ZBTB38: variants seen among roughly 807,000 people sequenced by gnomAD.
The protein encoded by ZBTB38 is zinc finger and BTB domain containing 38.
A neutral mutation model predicts 76.8 loss-of-function variants in ZBTB38; 20 were observed. The ratio of observed to expected loss-of-function variants is 0.26; its 90% CI spans 0.18 to 0.38. The LOEUF (loss-of-function observed/expected upper bound fraction) is 0.38. ZBTB38 is among the 10% of genes least tolerant of loss of function. The pLI, the probability that ZBTB38 is intolerant of heterozygous loss-of-function variation, is 1.00. For synonymous variants in ZBTB38, 504 were observed against 544.2 expected (o/e 0.93, Z 1.03); for missense variants, 1,082 against 1,482.3 (o/e 0.73, Z 4.43).
At chr3:141,341,000 A>AAAGAGAAAG (rs762974367) in intron 1 of ZBTB38, among the ~76,000 whole-genome samples, 12 of 149,178 alleles carry the variant, frequency 8.0e-5, no homozygotes, top group East Asian at 3.9e-4. Context: ...GAGAAAGAAG[A>AAAGAGAAAG]AAGAAAGAAA....
upstream of ZBTB38, among the ~76,000 whole-genome samples, chr3:141,364,820 G>T (rs990812230): frequency 7.3e-5 from 11 of 151,372 alleles, no homozygotes; most frequent in East Asian, 1.6e-3. Context: ...TTTGTTAAAT[G>T]CAGTTCAAAA....
At chr3:141,330,968 A>G (rs1409441742) in intron 1 of ZBTB38, among the ~76,000 whole-genome samples, 1 of 152,208 alleles carries the variant, frequency 6.6e-6, no homozygotes, top group Non-Finnish European at 1.5e-5. Flanking sequence ...TCCTTATAAA[A>G]TACCCAGTTT....
chr3:141,346,782 T>TTTTTTGTGTGTGTGTGTGTG (rs150173767), intron 1 of ZBTB38, among the ~76,000 whole-genome samples: 6 of 144,562 alleles, frequency 4.2e-5, no homozygotes, highest in Non-Finnish European at 7.5e-5. Flanking sequence ...TTGTTTTGTT[T>TTTTTTGTGTGTGTGTGTGTG]TGTGTGTGTG....
At chr3:141,422,103 C>G (rs1236297390) in intron 5 of ZBTB38, among the ~76,000 whole-genome samples, 1 of 152,238 alleles carries the variant, frequency 6.6e-6, no homozygotes, top group Admixed American at 6.5e-5. Context: ...GGGGCATTCA[C>G]TTTTATGACT....
chr3:141,357,081 C>T (rs922005081), intron 1 of ZBTB38, among the ~76,000 whole-genome samples: 5 of 152,192 alleles, frequency 3.3e-5, no homozygotes, highest in African/African-American at 1.2e-4. Flanking sequence ...TCTCCATACA[C>T]TTGACCATTA....
chr3:141,371,840 T>G (rs1433808540), intron 2 of ZBTB38, among the ~76,000 whole-genome samples: 1 of 152,222 alleles, frequency 6.6e-6, no homozygotes, highest in Non-Finnish European at 1.5e-5. Flanking sequence ...TTCTAACCAT[T>G]GTTGATGTTG....
chr3:141,426,974 G>A lies in ZBTB38; in HGVS notation c.1-15415G>A, dbSNP rs140807943. On this transcript the variant is annotated intron_variant, in intron 5 of 5. Transcript: ENST00000321464. ...CCAGCAATGTCGATTTGTGTGTGGG[G>A]TGGGTTCTTTTTCCTTTTTCATGTC... 7.8e-3 allele frequency among the ~76,000 whole-genome samples: 1,190 copies of A among 152,004 alleles called. 10 individuals carry two copies. The highest frequency in any genetic ancestry group is 0.012 in the Non-Finnish European group (819 of 67,970).
intron 4 of ZBTB38, among the ~76,000 whole-genome samples, chr3:141,391,810 T>A (rs1352809775): frequency 1.3e-5 from 2 of 152,242 alleles, no homozygotes; most frequent in Non-Finnish European, 2.9e-5. Context: ...CAGTAGATTG[T>A]CTTAGTCCTA....
chr3:141,391,886 C>G (rs998387234), intron 4 of ZBTB38, among the ~76,000 whole-genome samples: 2 of 152,174 alleles, frequency 1.3e-5, no homozygotes, highest in Non-Finnish European at 2.9e-5. Flanking sequence ...CTGCACACAT[C>G]TTTGCCTGTT....
At chr3:141,402,242 C>T (rs1173081159) in intron 4 of ZBTB38, 1 of 152,110 alleles carries the variant, frequency 6.6e-6, no homozygotes, top group Non-Finnish European at 1.5e-5. Flanking sequence ...TACCCCAGCC[C>T]CGGGCCCGCG....
intron 4 of ZBTB38, chr3:141,387,760 T>A (rs2149269900): frequency 6.6e-6 from 1 of 152,370 alleles, no homozygotes; most frequent in South Asian, 2.1e-4. Context: ...ATGATTTTTG[T>A]GTGTATGTGA....
At chr3:141,344,942 A>G (rs1037507399) in intron 1 of ZBTB38, among the ~76,000 whole-genome samples, 3 of 152,240 alleles carry the variant, frequency 2.0e-5, no homozygotes, top group African/African-American at 7.2e-5. Context: ...TATTCTGTCT[A>G]TCACAGCTGC....
At chr3:141,351,706 C>T (rs1040384709) in intron 1 of ZBTB38, among the ~76,000 whole-genome samples, 2 of 129,860 alleles carry the variant, frequency 1.5e-5, no homozygotes, top group African/African-American at 6.0e-5. Context: ...GGTAACAGAG[C>T]AAGACTCTGT....
chr3:141,352,841 A>G lies in ZBTB38; in HGVS notation c.-738-15780A>G, dbSNP rs560941858. Among the ~76,000 whole-genome samples, 479 of 152,186 alleles carry G rather than the reference A, an allele frequency of 3.1e-3. 4 individuals are homozygous for G. The highest frequency in any genetic ancestry group is 0.011 in the African/African-American group (463 of 41,508). ...TCTGATCACAGCGAACTCACAGGCC[A>G]GTGAGCCCAGATATCAAGCATGCAC... On this transcript the variant is annotated intron_variant, in intron 1 of 7. Transcript: ENST00000509842.
rs1192899010 is a variant in ZBTB38, at chr3:141,354,882, C to T, written c.-738-13739C>T. On this transcript the variant is annotated intron_variant, in intron 1 of 7. Coordinates refer to the ZBTB38 transcript ENST00000509842. ...GGCACTGGGAGAATGATAGGCGTAA[C>T]CAAGATGGAGGGTCTAGGCCTAATT... 2.0e-5 allele frequency among the ~76,000 whole-genome samples: 3 copies of T among 151,980 alleles called. No homozygotes were observed. The East Asian group carries it at 5.8e-4, about 29-fold the overall frequency.
chr3:141,428,339 AT>A (rs1265313561), intron 5 of ZBTB38, among the ~76,000 whole-genome samples: 7 of 152,174 alleles, frequency 4.6e-5, no homozygotes, highest in African/African-American at 1.7e-4. Flanking sequence ...CTCTGACTTA[AT>A]TACTGCTGTA....
At chr3:141,338,497 C>T (rs116580342) in intron 1 of ZBTB38, among the ~76,000 whole-genome samples, 109 of 152,318 alleles carry the variant, frequency 7.2e-4, no homozygotes, top group African/African-American at 2.6e-3. Flanking sequence ...TCTGCAGTAA[C>T]ATGGATAGAG....
intron 1 of ZBTB38, among the ~76,000 whole-genome samples, chr3:141,333,283 C>T (rs912027696): frequency 6.6e-6 from 1 of 152,098 alleles, no homozygotes; most frequent in African/African-American, 2.4e-5. Flanking sequence ...TAAAGGAGAC[C>T]TAGGACAGCA....
At chr3:141,375,665 ACAGCGGAG>A (rs550056897) in intron 2 of ZBTB38, among the ~76,000 whole-genome samples, 33 of 152,248 alleles carry the variant, frequency 2.2e-4, no homozygotes, top group Non-Finnish European at 2.8e-4. Flanking sequence ...AGAAACCAAG[ACAGCGGAG>A]CAGGGTCAGG....
Sources: allele counts gnomAD v4.1 joint callset (sites outside exome capture counted in the v4.1 genomes callset), GRCh38; gene constraint gnomAD v4.1.1; transcripts MANE v1.5; gene names NCBI Gene and HGNC (gene_info 2026-07-23, HGNC 2026-07-21).